Variants in REXO1 observed in about 807,000 individuals in gnomAD.
REXO1 encodes the protein REX1, RNA exonuclease 1 homolog.
In REXO1, 42 loss-of-function variants were observed where a neutral mutation model predicts 102.6. The observed-to-expected ratio is 0.41, with a 90% CI of 0.32 to 0.53. The LOEUF (loss-of-function observed/expected upper bound fraction) is 0.53. Among genes scored for constraint, REXO1 ranks in the 20% least tolerant of loss-of-function variants. The pLI is 0.27. For synonymous variants in REXO1, 908 were observed against 779.1 expected (o/e 1.17, Z -2.76); for missense variants, 1,819 against 1,732.5 (o/e 1.05, Z -0.89).
chr19:1,841,947 A>G (rs2011302501), intron 1 of REXO1, among the ~76,000 whole-genome samples: 1 of 152,172 alleles, frequency 6.6e-6, no homozygotes, highest in Non-Finnish European at 1.5e-5. Flanking sequence ...ACAGTGGCTC[A>G]CGCTTGTAAT....
intron 1 of REXO1, among the ~76,000 whole-genome samples, chr19:1,843,279 C>T (rs1170044621): frequency 6.6e-6 from 1 of 150,648 alleles, no homozygotes; most frequent in African/African-American, 2.4e-5. Context: ...GTCCCAGCTC[C>T]CCAGGGCCCA....
chr19:1,848,157 G>A (rs1425368294), intron 1 of REXO1, 45 bp downstream of exon 1: 3 of 1,024,304 alleles, frequency 2.9e-6, no homozygotes, highest in Admixed American at 4.4e-5. Context: ...GTCCAGACCC[G>A]GGCAGGGGAG....
At chr19:1,819,536 GGGCC>G (rs2069470838) in intron 7 of REXO1, among the ~76,000 whole-genome samples, 1 of 152,226 alleles carries the variant, frequency 6.6e-6, no homozygotes, top group Non-Finnish European at 1.5e-5. Flanking sequence ...ACGGGGGCAG[GGGCC>G]GGTGATAGCT....
intron 11 of REXO1, 134 bp from the exon 12 acceptor site, chr19:1,817,463 T>C (rs2069403675): frequency 1.3e-6 from 2 of 1,484,248 alleles, no homozygotes; most frequent in African/African-American, 1.4e-5. Context: ...GGGACCCTGG[T>C]GAGCAGGTGG....
At chr19:1,823,198 C>A in intron 4 of REXO1, 1 of 242,680 alleles carries the variant, frequency 4.1e-6, no homozygotes. Context: ...GGCCACGCCC[C>A]CCACTCACAC....
chr19:1,818,360 A>C (rs2069432046), intron 10 of REXO1, 122 bp downstream of exon 10: 2 of 713,924 alleles, frequency 2.8e-6, no homozygotes, highest in Non-Finnish European at 4.7e-6. Context: ...GGTGCAGCCC[A>C]GGGACCCTGA....
chr19:1,841,245 G>A (rs116744909), intron 1 of REXO1, among the ~76,000 whole-genome samples: 3,783 of 152,264 alleles, frequency 0.025, 73 homozygotes, highest in East Asian at 0.083. Context: ...TTTTTGTTCT[G>A]CAGCAGATCA....
At chr19:1,829,804 G>T (rs369484503) in intron 1 of REXO1, among the ~76,000 whole-genome samples, 1 of 152,066 alleles carries the variant, frequency 6.6e-6, no homozygotes, top group Non-Finnish European at 1.5e-5. Flanking sequence ...GTGAAACCCC[G>T]TCTCAACAAA....
At chr19:1,840,154 G>C (rs1362225579) in intron 1 of REXO1, among the ~76,000 whole-genome samples, 5 of 152,198 alleles carry the variant, frequency 3.3e-5, no homozygotes, top group African/African-American at 1.2e-4. Context: ...ACACCCCCAA[G>C]CACACGCTCT....
chr19:1,817,681 G>A (rs1227165205), intron 11 of REXO1, 26 bp downstream of exon 11: 1 of 1,606,250 alleles, frequency 6.2e-7, no homozygotes, highest in Non-Finnish European at 8.5e-7. Flanking sequence ...AGAACAGGCA[G>A]AGGGGACTGG....
intron 5 of REXO1, among the ~76,000 whole-genome samples, chr19:1,820,954 G>A (rs1368908116): frequency 1.3e-5 from 2 of 151,338 alleles, no homozygotes; most frequent in Non-Finnish European, 2.9e-5. Flanking sequence ...AGCCATGATT[G>A]CGCCCCTGCA....
Position 1,815,851 on chromosome 19 carries a change from G to C in REXO1, c.*215C>G. On this transcript the variant is annotated 3_prime_UTR_variant, in exon 16 of 16. Transcript: ENST00000170168. The surrounding 1 kb of genome is among the most constrained non-coding windows in gnomAD (Gnocchi z 4.0). ...CAGTTTCTAGAGACGCCAGAGGGCTGGGGGGCAGAGGGTGGGGACCGGCGG... is the reference window on the plus strand; with the variant it reads ...CAGTTTCTAGAGACGCCAGAGGGCTCGGGGGCAGAGGGTGGGGACCGGCGG... 1 of 1,519,806 alleles carries C rather than the reference G, an allele frequency of 6.6e-7. No individual in the cohort carries two copies. Among genetic ancestry groups the C allele is most frequent in the Non-Finnish European group, 8.8e-7 (1 of 1,136,524 alleles). The allele number at this position is 1,519,806 out of a possible 1,614,324, so 94.1% of individuals were successfully genotyped here. A position where few individuals can be genotyped will look rare whatever the true frequency, so the allele number is the denominator to read the frequency against.
At chr19:1,836,574 C>A (rs548829118) in intron 1 of REXO1, among the ~76,000 whole-genome samples, 1 of 152,022 alleles carries the variant, frequency 6.6e-6, no homozygotes, top group Non-Finnish European at 1.5e-5. Flanking sequence ...GGTAAAACCC[C>A]GTCTCTACTA....
rs534375839 is a variant in REXO1 at position 1,841,187 on chromosome 19, C to T, written c.157+7015G>A. Among the ~76,000 whole-genome samples, 4 of 96,974 alleles carry T rather than the reference C, an allele frequency of 4.1e-5. No individual in the cohort carries two copies. In the East Asian group the frequency reaches 1.2e-3, roughly 29 times the overall value. The allele number at this position is 96,974 out of a possible 152,430, so 63.6% of individuals were successfully genotyped here. A position where few individuals can be genotyped will look rare whatever the true frequency, so the allele number is the denominator to read the frequency against. ...GAGGCTCAGGGACCCCCAGGATTGC[C>T]CTGACAGTCTCCCTTCTACCCTGTT... On this transcript the variant is annotated intron_variant, in intron 1 of 15. Coordinates refer to ENST00000170168, the MANE Select transcript of REXO1 (RefSeq NM_020695.4).
rs2145249261 is a variant in REXO1, at chr19:1,821,553, A to G, written c.2360T>C (p.Ile787Thr). The stretch of plus-strand genomic sequence containing the variant: ...TGGACTGTGGGCGATTCGCTTAGGG[A>G]TGATGGTGGTGGTAGTCTTGGACGC... Reference protein sequence around the residue: ...GMASKTTTTIIPKRIAHSPSL... With the variant: ...GMASKTTTTITPKRIAHSPSL... Residue 787 changes from isoleucine (I) to threonine (T), a missense_variant, in exon 5 of 16, where the codon ATC becomes ACC. Physicochemically the swap from Ile to Thr is moderately conservative, Grantham distance 89 (BLOSUM62 -1). Coordinates refer to ENST00000170168, the MANE Select transcript of REXO1 (RefSeq NM_020695.4). 6.2e-7 allele frequency: 1 copy of G among 1,613,674 alleles called. No homozygotes were observed.
chr19:1,816,385 G>A lies in REXO1; in HGVS notation c.3457-40C>T, dbSNP rs980111950. On this transcript the variant is annotated intron_variant, in intron 14 of 15. Transcript: ENST00000170168. ...AGAGATCAGCGCACGTGGGGCCTGC[G>A]CAGGTCCTGCTGGAGAACCGCGCGG... 16 of 1,598,152 alleles carry A rather than the reference G, an allele frequency of 1.0e-5. No homozygotes were observed. In the Admixed American group the frequency reaches 1.0e-4, roughly 10 times the overall value.
At chr19:1,831,609 G>C (rs1375402437) in intron 1 of REXO1, among the ~76,000 whole-genome samples, 3 of 151,926 alleles carry the variant, frequency 2.0e-5, no homozygotes. Flanking sequence ...TTGGGAGGCT[G>C]AGGCGGGCGG....
At chr19:1,829,664 C>T (rs1364919862) in intron 1 of REXO1, among the ~76,000 whole-genome samples, 2 of 151,396 alleles carry the variant, frequency 1.3e-5, no homozygotes, top group South Asian at 2.1e-4. Flanking sequence ...CAAAATTAGC[C>T]GGGCGTGGTG....
chr19:1,816,897 C>A, intron 12 of REXO1, 84 bp from the exon 13 acceptor site: 1 of 1,035,176 alleles, frequency 9.7e-7, no homozygotes, highest in Non-Finnish European at 1.5e-6. Context: ...GTCTCCAGAG[C>A]CCCTCCAGGC....
Sources: allele counts gnomAD v4.1 joint callset (sites outside exome capture counted in the v4.1 genomes callset), GRCh38; gene constraint gnomAD v4.1.1; non-coding constraint Gnocchi (gnomAD v3.1); transcripts MANE v1.5; gene names NCBI Gene and HGNC (gene_info 2026-07-23, HGNC 2026-07-21).